OTUD7B: variants seen among roughly 807,000 people sequenced by gnomAD.
OTUD7B encodes OTU deubiquitinase 7B.
In OTUD7B, 34 loss-of-function variants were observed where a neutral mutation model predicts 82.2. The observed-to-expected ratio is 0.41, with a 90% CI of 0.31 to 0.55. The LOEUF (loss-of-function observed/expected upper bound fraction) is 0.55, where lower values mean the gene tolerates loss of function less well. Among genes scored for constraint, OTUD7B ranks in the 20% least tolerant of loss-of-function variants. The pLI is 0.20. For missense variants in OTUD7B, 944 were observed against 1,062.1 expected, an observed-to-expected ratio of 0.89 and a Z score of 1.55; for synonymous variants, 398 against 402.7, an observed-to-expected ratio of 0.99 and a Z score of 0.14.
chr1:150,055,041 C>CCT, the OTUD7B span: 8 of 142,264 alleles, frequency 5.6e-5, 1 homozygote, highest in African/African-American at 1.7e-4. Flanking sequence ...TCTAAATTTC[C>CCT]TTTTTTTTTT....
At chr1:150,046,386 A>C in the OTUD7B span, among the ~76,000 whole-genome samples, 1 of 150,774 alleles carries the variant, frequency 6.6e-6, no homozygotes, top group Non-Finnish European at 1.5e-5. Flanking sequence ...TTTGCCTGCT[A>C]TGATTAATTC....
At chr1:150,041,867 T>G in the OTUD7B span, among the ~76,000 whole-genome samples, 15 of 152,346 alleles carry the variant, frequency 9.8e-5, no homozygotes, top group East Asian at 2.7e-3. Flanking sequence ...TTATTGAGTT[T>G]AATGTTTGGT....
chr1:150,032,790 T>C, the OTUD7B span, among the ~76,000 whole-genome samples: 3 of 152,218 alleles, frequency 2.0e-5, no homozygotes, highest in Admixed American at 2.0e-4. Context: ...TGTTTCAAAC[T>C]GGTAAACCTG....
intron 6 of OTUD7B, chr1:149,962,921 G>GTT (rs1553775842): frequency 6.6e-6 from 1 of 152,142 alleles, no homozygotes; most frequent in African/African-American, 2.4e-5. Context: ...CAAGCTTTTG[G>GTT]TGCTAAAAAA....
the OTUD7B span, among the ~76,000 whole-genome samples, chr1:150,040,609 T>C: frequency 6.6e-6 from 1 of 152,230 alleles, no homozygotes; most frequent in Non-Finnish European, 1.5e-5. Flanking sequence ...TCTCATTATT[T>C]TCTATGCTAT....
At chr1:150,014,435 A>G (rs1653212764), upstream of OTUD7B, among the ~76,000 whole-genome samples, 1 of 149,786 alleles carries the variant, frequency 6.7e-6, no homozygotes, top group African/African-American at 2.5e-5. Context: ...GAAGTTTCAT[A>G]ATGTTAAACA....
chr1:150,036,710 C>A, the OTUD7B span, among the ~76,000 whole-genome samples: 1 of 152,054 alleles, frequency 6.6e-6, no homozygotes, highest in Non-Finnish European at 1.5e-5. Flanking sequence ...CACAAAGGAG[C>A]GGATCTAGAA....
At chr1:150,034,075 G>C in the OTUD7B span, among the ~76,000 whole-genome samples, 2 of 152,008 alleles carry the variant, frequency 1.3e-5, no homozygotes, top group African/African-American at 4.8e-5. Flanking sequence ...CACAGGTTAA[G>C]GAGACTTGTT....
the OTUD7B span, among the ~76,000 whole-genome samples, chr1:150,032,073 G>A: frequency 6.6e-6 from 1 of 151,962 alleles, no homozygotes; most frequent in African/African-American, 2.4e-5. Context: ...CACTTTGGGA[G>A]GCTGAGGCGG....
intron 2 of OTUD7B, among the ~76,000 whole-genome samples, chr1:149,971,970 C>T (rs587737156): frequency 9.2e-5 from 14 of 152,306 alleles, no homozygotes; most frequent in Non-Finnish European, 1.9e-4. Flanking sequence ...GTCCTACCTC[C>T]GATCCATTCC....
chr1:149,949,956 T>G, intron 8 of OTUD7B, 138 bp downstream of exon 8: 1 of 1,313,010 alleles, frequency 7.6e-7, no homozygotes, highest in Non-Finnish European at 1.0e-6. Flanking sequence ...CTTGAGAATT[T>G]TGCACTATTC....
Position 149,944,516 on chromosome 1 carries a change from C to T in OTUD7B, c.1873G>A (p.Glu625Lys), listed in dbSNP as rs1360492243. 4 of 1,614,038 alleles carry T rather than the reference C, an allele frequency of 2.5e-6. No homozygotes were observed. The African/African-American group carries it at 5.3e-5, about 22-fold the overall frequency. The change falls in exon 12 of 12, where the codon GAG becomes AAG. Residue 625 changes from glutamate (E) to lysine (K), a missense_variant. Around this residue, in one of 3 missense-constraint regions of OTUD7B, gnomAD observed 412 missense variants for 418.7 expected, o/e 0.98. Transcript: ENST00000581312. ...GAAAGGTAGCGCTGGATCATTTCCT[C>T]CTGATACTGGTGACGGTGACCCATC... is the stretch of plus-strand genomic sequence containing the variant. Reference protein sequence around the residue: ...LKMGHRHQYQEEMIQRYLSDA... With the variant: ...LKMGHRHQYQKEMIQRYLSDA...
At chr1:150,008,297 C>T (rs1652798420) in intron 1 of OTUD7B, among the ~76,000 whole-genome samples, 1 of 152,186 alleles carries the variant, frequency 6.6e-6, no homozygotes, top group African/African-American at 2.4e-5. Context: ...AATCAACTCA[C>T]ACAGATCAAA....
intron 3 of OTUD7B, among the ~76,000 whole-genome samples, chr1:149,969,675 T>C (rs1206177355): frequency 6.6e-6 from 1 of 152,204 alleles, no homozygotes; most frequent in East Asian, 1.9e-4. Context: ...CTACATACAT[T>C]GCATTGTGTC....
the OTUD7B span, among the ~76,000 whole-genome samples, chr1:150,039,708 T>G: frequency 6.6e-6 from 1 of 152,208 alleles, no homozygotes; most frequent in South Asian, 2.1e-4. Context: ...TTTCAGAAAA[T>G]ATTTATACTT....
the OTUD7B span, among the ~76,000 whole-genome samples, chr1:150,021,717 C>A: frequency 2.0e-5 from 3 of 152,140 alleles, no homozygotes; most frequent in Non-Finnish European, 4.4e-5. Context: ...ATACTTCTTG[C>A]ATGATAAAAT....
chr1:150,035,087 T>C, the OTUD7B span, among the ~76,000 whole-genome samples: 4 of 150,278 alleles, frequency 2.7e-5, no homozygotes, highest in East Asian at 7.8e-4. Flanking sequence ...GAGGTTGTAG[T>C]GAGCTGAGAT....
In OTUD7B at chr1:149,938,758, T is replaced by TAA. The variant is rs66654345; in HGVS notation, c.*5097_*5098dup. ...ACATGGCGAAACCCCCGACTCTAAC[T>TAA]AAAAAAAAAAAAAAAAAAAAAAATT... is the stretch of plus-strand genomic sequence containing the variant. On this transcript the variant is annotated 3_prime_UTR_variant, in exon 12 of 12. Transcript: ENST00000581312. 566 of 48,752 alleles carry TAA rather than the reference T, an allele frequency of 0.012. 24 individuals carry two copies. Among genetic ancestry groups the TAA allele is most frequent in the Non-Finnish European group, 0.014 (414 of 30,504 alleles). The allele number at this position is 48,752 out of a possible 1,614,324, so 3.0% of individuals were successfully genotyped here.
Position 149,967,332 on chromosome 1 carries a change from AG to A in OTUD7B, c.463del (p.Leu155SerfsTer16). 6.2e-7 allele frequency: 1 copy of A among 1,614,060 alleles called. No homozygotes were observed. The highest frequency in any genetic ancestry group is 8.5e-7 in the Non-Finnish European group (1 of 1,179,958). ...EDFRSFIERD[L>X]IEQSMLVALE... ...GGCAACCAGCATGGACTGCTCAATGAGGTCTCTCTCTATGAAGCTGCGGAAG... is the reference window on the plus strand; with the variant it reads ...GGCAACCAGCATGGACTGCTCAATGAGTCTCTCTCTATGAAGCTGCGGAAG... On this transcript the variant is annotated frameshift_variant, in exon 4 of 12. Coordinates refer to ENST00000581312, the MANE Select transcript of OTUD7B (RefSeq NM_020205.4). LOFTEE classifies it high-confidence loss of function.
Sources: allele counts gnomAD v4.1 joint callset (sites outside exome capture counted in the v4.1 genomes callset), GRCh38; gene constraint gnomAD v4.1.1; regional missense constraint gnomAD v4.1.1; transcripts MANE v1.5; gene names NCBI Gene and HGNC (gene_info 2026-07-23, HGNC 2026-07-21).